SERPINB5: variants seen among roughly 807,000 people sequenced by gnomAD.
The protein encoded by SERPINB5 is serpin B5.
In SERPINB5, 27 loss-of-function variants were observed where a neutral mutation model predicts 32.2. The ratio of observed to expected loss-of-function variants is 0.84; its 90% CI spans 0.62 to 1.16. SERPINB5 has a LOEUF of 1.16. Among genes scored for constraint, SERPINB5 ranks in the 50% most tolerant of loss-of-function variants. The probability of loss-of-function intolerance (pLI) is 0.00; values close to 1 mark genes in which losing one functional copy is unlikely to be tolerated. For synonymous variants in SERPINB5, 154 were observed against 157.4 expected, an observed-to-expected ratio of 0.98 and a Z score of 0.16; for missense variants, 388 against 436.3, an observed-to-expected ratio of 0.89 and a Z score of 0.99.
intron 1 of SERPINB5, 69 bp from the exon 2 acceptor site, chr18:63,484,353 G>T: frequency 1.5e-6 from 2 of 1,367,172 alleles, no homozygotes; most frequent in African/African-American, 1.5e-5. Flanking sequence ...TTATAGTGTT[G>T]GCAGAATGCA....
At chr18:63,478,172 C>G (rs193054926) in intron 1 of SERPINB5, among the ~76,000 whole-genome samples, 7 of 152,302 alleles carry the variant, frequency 4.6e-5, no homozygotes, top group Non-Finnish European at 7.3e-5. Flanking sequence ...ATCTTTGCTT[C>G]CTAACGCCTT....
At position 63,499,280 on chromosome 18, in the gene SERPINB5, T is replaced by C; in HGVS notation, c.728T>C (p.Leu243Ser). The C allele has an allele frequency of 1.3e-6, 2 of 1,566,338 alleles. No homozygotes were observed. The highest frequency in any genetic ancestry group is 2.4e-5 in the South Asian group (2 of 83,464). ...PKDVEDESTG[L>S]EKIEKQLNSE... ...GATGTGGAGGATGAGTCCACAGGCT[T>C]GGAGAAGGTAAGGAGAAGGCAGGTG... The change falls in exon 6 of 7, where the codon TTG (leucine) becomes TCG (serine). Residue 243 changes from leucine (L) to serine (S), a missense_variant. Coordinates refer to ENST00000382771, the MANE Select transcript of SERPINB5 (RefSeq NM_002639.5).
intron 5 of SERPINB5, chr18:63,497,269 A>C (rs1442315552): frequency 9.5e-7 from 1 of 1,054,316 alleles, no homozygotes; most frequent in Non-Finnish European, 1.5e-6. Flanking sequence ...TGGCAGCTTG[A>C]TCATTGGTTA....
At chr18:63,486,365 G>A (rs1364051439) in intron 2 of SERPINB5, among the ~76,000 whole-genome samples, 1 of 152,160 alleles carries the variant, frequency 6.6e-6, no homozygotes, top group Non-Finnish European at 1.5e-5. Context: ...CCTGGCATTT[G>A]CTAAAGCACC....
intron 1 of SERPINB5, among the ~76,000 whole-genome samples, chr18:63,478,758 G>GTTTTTTTT (rs10669993): frequency 1.0e-4 from 14 of 135,382 alleles, no homozygotes; most frequent in Non-Finnish European, 1.4e-4. Flanking sequence ...TAAAAACGTA[G>GTTTTTTTT]TTTTTTTTTT....
chr18:63,490,862 G>C (rs1170498084), intron 4 of SERPINB5: 1 of 152,164 alleles, frequency 6.6e-6, no homozygotes, highest in Admixed American at 6.5e-5. Context: ...TGGGGAACAG[G>C]TGGTTTTTGG....
intron 6 of SERPINB5, among the ~76,000 whole-genome samples, chr18:63,499,672 A>G (rs1455430135): frequency 6.6e-6 from 1 of 152,136 alleles, no homozygotes; most frequent in Non-Finnish European, 1.5e-5. Context: ...ATTTGGGCCC[A>G]GGTAGTTGGA....
intron 3 of SERPINB5, among the ~76,000 whole-genome samples, chr18:63,488,602 TG>T (rs1568109381): frequency 6.6e-6 from 1 of 152,200 alleles, no homozygotes; most frequent in African/African-American, 2.4e-5. Flanking sequence ...AAGAACTATC[TG>T]GGTGTTAAAA....
At chr18:63,483,524 C>A (rs1267083538) in intron 1 of SERPINB5, among the ~76,000 whole-genome samples, 3 of 152,246 alleles carry the variant, frequency 2.0e-5, no homozygotes, top group Non-Finnish European at 4.4e-5. Flanking sequence ...GCTTTATTCA[C>A]CCACAGGCTT....
intron 6 of SERPINB5, 104 bp downstream of exon 6, chr18:63,499,391 CT>C: frequency 1.0e-6 from 1 of 963,204 alleles, no homozygotes; most frequent in Non-Finnish European, 1.4e-6. Flanking sequence ...GTAGCCCTCC[CT>C]TATTGCCACT....
intron 4 of SERPINB5, among the ~76,000 whole-genome samples, chr18:63,491,083 C>T (rs1360027746): frequency 1.3e-5 from 2 of 152,150 alleles, no homozygotes; most frequent in African/African-American, 4.8e-5. Flanking sequence ...GTTTGGTTTT[C>T]CATTCCTAAG....
At chr18:63,500,453 CAG>C (rs1909548342) in intron 6 of SERPINB5, among the ~76,000 whole-genome samples, 1 of 152,014 alleles carries the variant, frequency 6.6e-6, no homozygotes, top group East Asian at 1.9e-4. Flanking sequence ...TTGAATTATG[CAG>C]ATACTATTTT....
At chr18:63,479,603 G>A (rs1917093632) in intron 1 of SERPINB5, among the ~76,000 whole-genome samples, 1 of 151,966 alleles carries the variant, frequency 6.6e-6, no homozygotes, top group East Asian at 1.9e-4. Context: ...TAGTATGGGG[G>A]GTCTGTCACT....
At chr18:63,483,081 G>T (rs953595298) in intron 1 of SERPINB5, among the ~76,000 whole-genome samples, 7 of 152,148 alleles carry the variant, frequency 4.6e-5, no homozygotes, top group African/African-American at 1.7e-4. Context: ...GTTAGGGACT[G>T]CCAGGAGTCA....
At position 63,503,893 on chromosome 18, in the gene SERPINB5, T is replaced by A; in HGVS notation, c.*171T>A. 3 of 629,570 alleles carry A rather than the reference T, an allele frequency of 4.8e-6. No homozygotes were observed. The South Asian group carries it at 6.5e-5, about 14-fold the overall frequency. 39.0% of individuals were successfully genotyped at this position (629,570 alleles called of 1,614,324 possible). On this transcript the variant is annotated 3_prime_UTR_variant, in exon 7 of 7. Transcript: ENST00000382771. ...TTCACACAGATAGACCTTTTTTTTT[T>A]TTCCAATTCTATCTTTTGTTTCCTT...
rs1488607140 is a variant in SERPINB5, at chr18:63,493,087, GTCAACAAGGTA to G, written c.561_567+4del. On this transcript the variant is annotated splice_donor_variant and splice_donor_region_variant and coding_sequence_variant and intron_variant, in exon 5 of 7. Coordinates refer to ENST00000382771, the MANE Select transcript of SERPINB5 (RefSeq NM_002639.5). LOFTEE classifies it high-confidence loss of function. ...AGAAACAAAAGAATGTCCTTTCAGA[GTCAACAAGGTA>G]TGTGGGGCAGCATGTAGCAGTAAAA... 6.2e-7 allele frequency: 1 copy of G among 1,613,728 alleles called. No individual in the cohort carries two copies. The highest frequency in any genetic ancestry group is 1.3e-5 in the African/African-American group (1 of 74,802).
Position 63,493,476 on chromosome 18 carries a change from T to G in SERPINB5, c.567+381T>G, listed in dbSNP as rs1909382911. The G allele has an allele frequency of 1.3e-5, 6 of 447,458 alleles. No homozygotes were observed. The South Asian group carries it at 3.2e-4, about 24-fold the overall frequency. The allele number at this position is 447,458 out of a possible 1,614,324, so 27.7% of individuals were successfully genotyped here. On this transcript the variant is annotated intron_variant, in intron 5 of 6. Transcript: ENST00000382771. ...GAAACCTTGACATCTAGGAATCTTG[T>G]TCCTGATTGATTAACTTCTCTAACA...
Position 63,503,441 on chromosome 18 carries a change from G to C in SERPINB5, c.847G>C (p.Asp283His), listed in dbSNP as rs1401673949. The C allele has an allele frequency of 2.5e-6, 4 of 1,614,262 alleles. No individual in the cohort carries two copies. The highest frequency in any genetic ancestry group is 3.3e-4 in the Middle Eastern group (2 of 6,062). Reference protein sequence around the residue: ...IPKFKVEKMIDPKACLENLGL... With the variant: ...IPKFKVEKMIHPKACLENLGL... Reference sequence around the variant, plus strand: ...AAAATTTAAGGTGGAAAAGATGATTGATCCCAAGGCTTGTCTGGAAAATCT... The same window carrying C: ...AAAATTTAAGGTGGAAAAGATGATTCATCCCAAGGCTTGTCTGGAAAATCT... The change falls in exon 7 of 7, where the codon GAT becomes CAT. Residue 283 changes from aspartate (D) to histidine (H), a missense_variant. By Grantham distance (81) the Asp-to-His change is moderately conservative. Transcript: ENST00000382771.
intron 6 of SERPINB5, among the ~76,000 whole-genome samples, chr18:63,499,820 A>T (rs12967175): frequency 0.16 from 23,828 of 151,350 alleles, 1,940 homozygotes; most frequent in African/African-American, 0.19. Context: ...CTTTTTTTTT[A>T]AAATTAGTAG....
Sources: allele counts gnomAD v4.1 joint callset (sites outside exome capture counted in the v4.1 genomes callset), GRCh38; gene constraint gnomAD v4.1.1; transcripts MANE v1.5; gene names NCBI Gene and HGNC (gene_info 2026-07-23, HGNC 2026-07-21).